PPFIA4: variants seen among roughly 807,000 people sequenced by gnomAD.
PPFIA4 encodes the protein PPFI scaffold protein A4.
In PPFIA4, 98 loss-of-function variants were observed where a neutral mutation model predicts 145.7. The observed-to-expected ratio is 0.67, with a 90% CI of 0.57 to 0.80. The LOEUF is 0.80. PPFIA4 is among the 30% of genes least tolerant of loss of function. The pLI, the probability that PPFIA4 is intolerant of heterozygous loss-of-function variation, is 0.00. For missense variants in PPFIA4, 1,457 were observed against 1,632.7 expected (o/e 0.89, Z 1.85); for synonymous variants, 628 against 649.6 (o/e 0.97, Z 0.51).
Position 203,051,754 on chromosome 1 carries a change from C to G in PPFIA4, c.1512-15C>G. 2 of 1,602,460 alleles carry G rather than the reference C, an allele frequency of 1.2e-6. No individual in the cohort carries two copies. The highest frequency in any genetic ancestry group is 1.7e-6 in the Non-Finnish European group (2 of 1,174,840). ...CCTCAGGGCCTGTCTTTTCTCTCCCCCATCACCGCTCAAGGTCGCACATGG... is the reference window on the plus strand; with the variant it reads ...CCTCAGGGCCTGTCTTTTCTCTCCCGCATCACCGCTCAAGGTCGCACATGG... On this transcript the variant is annotated splice_polypyrimidine_tract_variant and intron_variant, in intron 13 of 29. Transcript: ENST00000295706.
rs1045585257 is a variant in PPFIA4 at position 203,056,441 on chromosome 1, T to C, written c.2173T>C (p.Ser725Pro). The change falls in exon 18 of 30, where the codon TCC becomes CCC. Residue 725 changes from serine to proline, a missense_variant. By Grantham distance (74) the Ser-to-Pro change is moderately conservative (BLOSUM62 -1). Around this residue, in one of 3 missense-constraint regions of PPFIA4, gnomAD observed 848 missense variants for 1,046.7 expected, o/e 0.81. Coordinates refer to ENST00000295706, the MANE Select transcript of PPFIA4 (RefSeq NM_001304331.2). ...ATIKCETSPP[S>P]SPRTLRLEKL... ...CATAAAATGTGAGACTTCTCCTCCT[T>C]CCTCACCCAGGACGCTGCGGCTAGA... 1 of 1,613,862 alleles carries C rather than the reference T, an allele frequency of 6.2e-7. No homozygotes were observed.
chr1:203,072,210 G>A (rs68048464), intron 28 of PPFIA4, among the ~76,000 whole-genome samples: 22,014 of 152,166 alleles, frequency 0.14, 2,008 homozygotes, highest in Middle Eastern at 0.26. Flanking sequence ...GTGTGGAGGC[G>A]GATGCCCTGC....
intron 13 of PPFIA4, chr1:203,051,161 G>A: frequency 1.0e-6 from 1 of 985,378 alleles, no homozygotes; most frequent in Non-Finnish European, 1.2e-6. Context: ...CTCAGGGTTG[G>A]AATAGACTCT....
At chr1:203,065,370 G>A (rs549473930) in intron 25 of PPFIA4, among the ~76,000 whole-genome samples, 57 of 152,216 alleles carry the variant, frequency 3.7e-4, no homozygotes, top group African/African-American at 1.3e-3. Flanking sequence ...CTGCCCGGAG[G>A]CTGCCAGGCC....
Position 203,048,790 on chromosome 1 carries a change from G to C in PPFIA4, c.1356+76G>C, listed in dbSNP as rs1571692525. Reference sequence around the variant, plus strand: ...GCGGGGGGAGGCGGGACTGTGATGGGCGCAGGCGGGGTCTCAATGGGGTGG... The same window carrying C: ...GCGGGGGGAGGCGGGACTGTGATGGCCGCAGGCGGGGTCTCAATGGGGTGG... On this transcript the variant is annotated intron_variant, in intron 11 of 29. Transcript: ENST00000295706. The surrounding 1 kb of genome is among the most constrained non-coding windows in gnomAD (Gnocchi z 5.8). The C allele has an allele frequency of 6.5e-7, 1 of 1,546,110 alleles. No individual in the cohort carries two copies. Among genetic ancestry groups the C allele is most frequent in the Non-Finnish European group, 8.7e-7 (1 of 1,144,220 alleles).
chr1:203,033,633 T>C (rs1404778663), intron 1 of PPFIA4, among the ~76,000 whole-genome samples: 1 of 152,152 alleles, frequency 6.6e-6, no homozygotes, highest in African/African-American at 2.4e-5. Flanking sequence ...CATCAGCTGC[T>C]CTGGAGTCTG....
intron 1 of PPFIA4, chr1:203,034,656 G>A (rs1659093322): frequency 2.2e-6 from 1 of 456,656 alleles, no homozygotes; most frequent in South Asian, 1.5e-5. Flanking sequence ...TTCCAGTGGG[G>A]CCTTTCAGTC....
At chr1:203,067,344 A>C in intron 25 of PPFIA4, 1 of 253,716 alleles carries the variant, frequency 3.9e-6, no homozygotes, top group Non-Finnish European at 7.7e-6. Context: ...ACAAAGGGGT[A>C]TCTTGTTTTT....
intron 1 of PPFIA4, among the ~76,000 whole-genome samples, chr1:203,037,517 G>A (rs973602074): frequency 3.3e-5 from 5 of 152,174 alleles, no homozygotes; most frequent in African/African-American, 7.2e-5. Flanking sequence ...TCTGAAAAAC[G>A]ACTAAGGTGG....
At chr1:203,035,105 C>T (rs987885061) in intron 1 of PPFIA4, 1 of 350,460 alleles carries the variant, frequency 2.9e-6, no homozygotes, top group Non-Finnish European at 5.7e-6. Context: ...CTGGAAGACC[C>T]CCGCCCTCCC....
chr1:203,065,667 A>G, intron 25 of PPFIA4, among the ~76,000 whole-genome samples: 1 of 152,198 alleles, frequency 6.6e-6, no homozygotes. Context: ...TCCACGTAAC[A>G]TTTCACAAGC....
Position 203,076,392 on chromosome 1 carries a change from C to A in PPFIA4, c.*2C>A. 1 of 1,608,484 alleles carries A rather than the reference C, an allele frequency of 6.2e-7. No individual in the cohort carries two copies. The highest frequency in any genetic ancestry group is 8.5e-7 in the Non-Finnish European group (1 of 1,179,662). ...ATGCTCTCCGCCTTCCGGGACTAGC[C>A]ATGGCCCCCAGGGCTGGCTTCCTCC... On this transcript the variant is annotated 3_prime_UTR_variant, in exon 30 of 30. Coordinates refer to ENST00000295706, the MANE Select transcript of PPFIA4 (RefSeq NM_001304331.2).
chr1:203,061,141 C>A, intron 23 of PPFIA4, 109 bp downstream of exon 23: 6 of 1,039,938 alleles, frequency 5.8e-6, no homozygotes, highest in Non-Finnish European at 9.0e-6. Flanking sequence ...ATCGATCTCA[C>A]GTGAGGTTGG....
intron 1 of PPFIA4, among the ~76,000 whole-genome samples, chr1:203,030,760 C>A (rs1258148561): frequency 1.3e-5 from 2 of 152,222 alleles, no homozygotes; most frequent in African/African-American, 4.8e-5. Flanking sequence ...TGATCACACA[C>A]GCATACTTGC....
chr1:203,062,773 AATATGTTGT>A (rs1661483391), intron 24 of PPFIA4, among the ~76,000 whole-genome samples: 2 of 152,206 alleles, frequency 1.3e-5, no homozygotes, highest in Non-Finnish European at 2.9e-5. Flanking sequence ...CAAAATTAAT[AATATGTTGT>A]TTAGGGAAAT....
chr1:203,059,700 T>C, intron 20 of PPFIA4, 70 bp from the exon 21 acceptor site: 1 of 1,337,656 alleles, frequency 7.5e-7, no homozygotes, highest in Non-Finnish European at 1.1e-6. Context: ...CACAGCCCAG[T>C]GGTCCCTGGA....
At chr1:203,062,796 C>T in intron 24 of PPFIA4, among the ~76,000 whole-genome samples, 1 of 152,150 alleles carries the variant, frequency 6.6e-6, no homozygotes, top group Non-Finnish European at 1.5e-5. Context: ...GGGAAATATA[C>T]ATGGATGATT....
intron 14 of PPFIA4, among the ~76,000 whole-genome samples, chr1:203,053,481 C>T (rs1451281914): frequency 2.0e-5 from 3 of 149,372 alleles, no homozygotes; most frequent in Non-Finnish European, 3.0e-5. Context: ...TGCAGTGAGC[C>T]GAGATCACGC....
At chr1:203,074,089 C>T (rs1662356766) in intron 28 of PPFIA4, among the ~76,000 whole-genome samples, 2 of 152,016 alleles carry the variant, frequency 1.3e-5, no homozygotes, top group Non-Finnish European at 2.9e-5. Context: ...AAGTGAAAGG[C>T]ATGGAGGTAG....
Sources: gnomAD v4.1 joint callset for allele counts (sites outside exome capture counted in the v4.1 genomes callset) on GRCh38, gnomAD v4.1.1 for gene constraint, gnomAD v4.1.1 regional missense constraint, Gnocchi (gnomAD v3.1) non-coding constraint, MANE v1.5 for transcripts, NCBI Gene and HGNC (gene_info 2026-07-23, HGNC 2026-07-21) for gene names.